RFX6: variants seen among roughly 807,000 people sequenced by gnomAD.
RFX6 encodes the protein regulatory factor X6.
A neutral mutation model predicts 110.8 loss-of-function variants in RFX6; 50 were observed. That is an observed-to-expected ratio of 0.45 (90% CI 0.36 to 0.57). RFX6 has a LOEUF of 0.57. Ranked by LOEUF, RFX6 falls within the 20% of genes least tolerant of loss-of-function variation. The pLI is 0.00. For missense variants in RFX6, 990 were observed against 1,127.0 expected (o/e 0.88, Z 1.74); for synonymous variants, 383 against 411.2 (o/e 0.93, Z 0.83).
In RFX6 at chr6:116,931,477, T is replaced by A. The variant is rs2114708295; in HGVS notation, c.2758T>A (p.Phe920Ile). The change falls in exon 19 of 19, where the codon TTC (phenylalanine) becomes ATC (isoleucine). Residue 920 changes from phenylalanine to isoleucine, a missense_variant. By Grantham distance (21) the Phe-to-Ile change is conservative (BLOSUM62 0). Around this residue, in one of 5 missense-constraint regions of RFX6, gnomAD observed 438 missense variants for 441.9 expected, o/e 0.99. Coordinates refer to ENST00000332958, the MANE Select transcript of RFX6 (RefSeq NM_173560.4). ...VSSLPPINTV[F>I]MGTAAGGT ...CTCTTTACCACCTATCAACACTGTGTTCATGGGAACAGCAGCTGGAGGCAC... is the reference window on the plus strand; with the variant it reads ...CTCTTTACCACCTATCAACACTGTGATCATGGGAACAGCAGCTGGAGGCAC... 6.2e-7 allele frequency: 1 copy of A among 1,613,664 alleles called. No homozygotes were observed.
In RFX6 at chr6:116,919,333, CA is replaced by C. The variant is rs754703039; in HGVS notation, c.1182+38del. 9 of 1,581,746 alleles carry C rather than the reference CA, an allele frequency of 5.7e-6. No individual in the cohort carries two copies. In the Admixed American group the frequency reaches 1.5e-4, roughly 26 times the overall value. ...GCTAAGTCGAGAGCATTTGAGTCAC[CA>C]TATAAAAAATGAATCTTCTGAGAAG... On this transcript the variant is annotated intron_variant, in intron 11 of 18. Coordinates refer to ENST00000332958, the MANE Select transcript of RFX6 (RefSeq NM_173560.4).
At position 116,931,619 on chromosome 6, in the gene RFX6, A is replaced by C; in HGVS notation, c.*113A>C. The C allele has an allele frequency of 1.2e-6, 1 of 805,348 alleles. No individual in the cohort carries two copies. The highest frequency in any genetic ancestry group is 2.0e-6 in the Non-Finnish European group (1 of 499,600). 49.9% of individuals were successfully genotyped at this position (805,348 alleles called of 1,614,324 possible). On this transcript the variant is annotated 3_prime_UTR_variant, in exon 19 of 19. Coordinates refer to ENST00000332958, the MANE Select transcript of RFX6 (RefSeq NM_173560.4). ...AATAAAAATGAATATGCAGTGGCTG[A>C]CATTGTTTTAAAGTCACTGGTACTA...
chr6:116,910,619 C>T (rs1453527366), intron 6 of RFX6, among the ~76,000 whole-genome samples: 1 of 152,154 alleles, frequency 6.6e-6, no homozygotes, highest in East Asian at 1.9e-4. Context: ...GGCAGATCTT[C>T]CTAAACTTAT....
intron 8 of RFX6, 48 bp from the exon 9 acceptor site, chr6:116,916,153 T>C (rs1176729845): frequency 6.4e-7 from 1 of 1,555,584 alleles, no homozygotes; most frequent in Non-Finnish European, 8.9e-7. Context: ...TCTTAATGAG[T>C]TCATGTTAAA....
intron 7 of RFX6, among the ~76,000 whole-genome samples, chr6:116,913,415 C>A (rs1045692389): frequency 2.6e-5 from 4 of 152,158 alleles, no homozygotes; most frequent in Non-Finnish European, 5.9e-5. Context: ...GAAAAGCTGA[C>A]CCCAGTGAGG....
intron 7 of RFX6, among the ~76,000 whole-genome samples, chr6:116,912,076 T>C (rs537140823): frequency 6.6e-6 from 1 of 152,204 alleles, no homozygotes; most frequent in African/African-American, 2.4e-5. Context: ...AGCAAATTAA[T>C]GCAGGAGAAG....
intron 14 of RFX6, among the ~76,000 whole-genome samples, chr6:116,923,860 T>C (rs944391396): frequency 1.3e-5 from 2 of 152,212 alleles, no homozygotes; most frequent in Admixed American, 6.5e-5. Flanking sequence ...TTTATAGTTA[T>C]AATGTTAACT....
intron 4 of RFX6, among the ~76,000 whole-genome samples, chr6:116,890,549 G>T (rs1175060749): frequency 6.6e-6 from 1 of 152,046 alleles, no homozygotes; most frequent in Non-Finnish European, 1.5e-5. Flanking sequence ...CTCTTTCACT[G>T]GTTCTCTATC....
rs756920384 is a variant in RFX6 at position 116,918,079 on chromosome 6, C to T, written c.1015C>T (p.Pro339Ser). 2.5e-6 allele frequency: 4 copies of T among 1,604,752 alleles called. No individual in the cohort carries two copies. The highest frequency in any genetic ancestry group is 2.6e-6 in the Non-Finnish European group (3 of 1,172,952). The change falls in exon 10 of 19, where the codon CCT becomes TCT. Residue 339 changes from proline to serine, a missense_variant. Physicochemically the swap from Pro to Ser is moderately conservative, Grantham distance 74. This residue lies in a region of RFX6 where 243 missense variants were observed against 353.1 expected (regional missense o/e 0.69). Coordinates refer to ENST00000332958, the MANE Select transcript of RFX6 (RefSeq NM_173560.4). ...VLIPATMQEM[P>S]ESLLADIRNF... ...CATTCCTGCAACAATGCAAGAAATG[C>T]CTGAAAGGTATGTTCAGTTAATAAA...
At position 116,927,112 on chromosome 6, in the gene RFX6, C is replaced by T. The variant is rs906188529; in HGVS notation, c.1971C>T (p.Asn657=). 6.2e-7 allele frequency: 1 copy of T among 1,613,998 alleles called. No individual in the cohort carries two copies. The highest frequency in any genetic ancestry group is 8.5e-7 in the Non-Finnish European group (1 of 1,179,982). The change falls in exon 17 of 19, where the codon AAC becomes AAT. Residue 657 remains asparagine, a synonymous_variant. Transcript: ENST00000332958. The part of the protein sequence containing the change: ...PAMASRGSVI[N]QGPMAGRPPS... ...TGGCAAGCCGAGGAAGTGTCATTAA[C>T]CAAGGACCAATGGCAGGGAGGCCCC...
In RFX6 at chr6:116,904,011, C is replaced by T. The variant is rs536151158; in HGVS notation, c.673-6924C>T. On this transcript the variant is annotated intron_variant, in intron 6 of 18. Transcript: ENST00000332958. ...AGAGTGGTTGTATCAACTTCTGTCT[C>T]TCCAGCTGTGTGTGATCATTACTTT... 4.4e-4 allele frequency among the ~76,000 whole-genome samples: 67 copies of T among 152,110 alleles called. 1 individual carries two copies. Among genetic ancestry groups the T allele is most frequent in the African/African-American group, 1.6e-3 (67 of 41,526 alleles).
intron 17 of RFX6, among the ~76,000 whole-genome samples, chr6:116,927,743 C>CTTTTTTTTTTTTTTTTTTT (rs60638457): frequency 1.7e-5 from 2 of 119,560 alleles, no homozygotes; most frequent in Non-Finnish European, 1.7e-5. Context: ...GCCCTTCTTC[C>CTTTTTTTTTTTTTTTTTTT]TTTTTTTTTT....
chr6:116,916,047 T>C lies in RFX6; in HGVS notation c.820T>C (p.Cys274Arg), dbSNP rs1775456941. The C allele has an allele frequency of 1.9e-6, 3 of 1,612,218 alleles. No homozygotes were observed. The highest frequency in any genetic ancestry group is 2.5e-6 in the Non-Finnish European group (3 of 1,178,580). ...LIMMYKTHCQ[C>R]ILDNAINGNF... Reference sequence around the variant, plus strand: ...AATGATGTACAAAACTCACTGCCAGTGTATCCTGGACAATGCAATTAATGG... The same window carrying C: ...AATGATGTACAAAACTCACTGCCAGCGTATCCTGGACAATGCAATTAATGG... The change falls in exon 8 of 19, where the codon TGT becomes CGT. Residue 274 changes from cysteine (C) to arginine (R), a missense_variant. Transcript: ENST00000332958.
chr6:116,931,381 G>A lies in RFX6; in HGVS notation c.2662G>A (p.Gly888Arg). Residue 888 changes from glycine (G) to arginine (R), a missense_variant, in exon 19 of 19, where the codon GGA (glycine) becomes AGA (arginine). Gly to Arg is a moderately radical substitution (Grantham distance 125). Around this residue, in one of 5 missense-constraint regions of RFX6, gnomAD observed 438 missense variants for 441.9 expected, o/e 0.99. Transcript: ENST00000332958. ...IPSSSSQCMYGTSNQYPAQET... is the reference protein window; with the variant it reads ...IPSSSSQCMYRTSNQYPAQET... ...TTCTTCCTCATCCCAATGTATGTAT[G>A]GAACTTCCAACCAGTATCCAGCTCA... 2 of 1,613,218 alleles carry A rather than the reference G, an allele frequency of 1.2e-6. No individual in the cohort carries two copies. Among genetic ancestry groups the A allele is most frequent in the Non-Finnish European group, 1.7e-6 (2 of 1,179,244 alleles).
chr6:116,898,374 G>C lies in RFX6; in HGVS notation c.672+3167G>C, dbSNP rs180815198. Among the ~76,000 whole-genome samples the C allele has an allele frequency of 3.2e-3, 488 of 152,220 alleles. 2 individuals carry two copies. The highest frequency in any genetic ancestry group is 6.2e-3 in the Non-Finnish European group (424 of 68,006). ...AGACAGGGTCTCACTCTGTCACCCA[G>C]GCTGGTGTGCAGTGGCACAATCTTG... On this transcript the variant is annotated intron_variant, in intron 6 of 18. Coordinates refer to ENST00000332958, the MANE Select transcript of RFX6 (RefSeq NM_173560.4).
rs116894189 is a variant in RFX6, at chr6:116,889,729, C to A, written c.567-4258C>A. Among the ~76,000 whole-genome samples, 591 of 152,166 alleles carry A rather than the reference C, an allele frequency of 3.9e-3. 5 individuals carry two copies. Among genetic ancestry groups the A allele is most frequent in the Middle Eastern group, 0.024 (7 of 294 alleles). ...TTAAAGGAGTTAGTAGACTTCCTTA[C>A]ATCATGTTAGATAAGAGATTCTTTA... is the stretch of plus-strand genomic sequence containing the variant. On this transcript the variant is annotated intron_variant, in intron 4 of 18. Transcript: ENST00000332958.
chr6:116,908,707 CACACACACAG>C (rs1775266986), intron 6 of RFX6, among the ~76,000 whole-genome samples: 1 of 150,564 alleles, frequency 6.6e-6, no homozygotes, highest in South Asian at 2.1e-4. Context: ...CACACACACA[CACACACACAG>C]AGGGATTGAG....
chr6:116,931,215 G>C, intron 18 of RFX6, 116 bp from the exon 19 acceptor site: 3 of 799,348 alleles, frequency 3.8e-6, no homozygotes, highest in Non-Finnish European at 6.6e-6. Flanking sequence ...CTCAAATTTA[G>C]AATAGGTATG....
At chr6:116,915,235 TG>T (rs1775437454) in intron 7 of RFX6, among the ~76,000 whole-genome samples, 1 of 152,236 alleles carries the variant, frequency 6.6e-6, no homozygotes, top group Non-Finnish European at 1.5e-5. Flanking sequence ...CATGGTAACT[TG>T]AAAAGAGAGA....
Sources: allele counts gnomAD v4.1 joint callset (sites outside exome capture counted in the v4.1 genomes callset), GRCh38; gene constraint gnomAD v4.1.1; regional missense constraint gnomAD v4.1.1; transcripts MANE v1.5; gene names NCBI Gene and HGNC (gene_info 2026-07-23, HGNC 2026-07-21).